Variants in CCSER1 observed in about 807,000 individuals in gnomAD.
CCSER1 encodes coiled-coil serine rich protein 1, also known as serine-rich coiled-coil domain-containing protein 1.
A neutral mutation model predicts 82.0 loss-of-function variants in CCSER1; 41 were observed. The observed-to-expected ratio is 0.50, with a 90% CI of 0.39 to 0.65. The LOEUF is 0.65. Ranked by LOEUF, CCSER1 falls within the 30% of genes least tolerant of loss-of-function variation. CCSER1 has a pLI of 0.00. For synonymous variants in CCSER1, 414 were observed against 383.9 expected (o/e 1.08, Z -0.92); for missense variants, 1,119 against 1,064.2 (o/e 1.05, Z -0.72).
intron 1 of CCSER1, among the ~76,000 whole-genome samples, chr4:90,295,472 G>T (rs1029624663): frequency 2.0e-5 from 3 of 151,650 alleles, no homozygotes; most frequent in Admixed American, 1.3e-4. Context: ...ACTATTCTTT[G>T]CTCCCTTTTA....
At chr4:91,474,920 G>C (rs948294614) in intron 10 of CCSER1, among the ~76,000 whole-genome samples, 1 of 151,340 alleles carries the variant, frequency 6.6e-6, no homozygotes, top group Non-Finnish European at 1.5e-5. Context: ...TTTTATCCTT[G>C]TGTATTTATC....
chr4:91,292,846 G>T (rs533915632), intron 10 of CCSER1, among the ~76,000 whole-genome samples: 1 of 152,038 alleles, frequency 6.6e-6, no homozygotes, highest in African/African-American at 2.4e-5. Context: ...CTCAATGCTT[G>T]AGTATCCACT....
At chr4:90,439,153 C>T (rs760993186) in intron 4 of CCSER1, among the ~76,000 whole-genome samples, 2 of 151,856 alleles carry the variant, frequency 1.3e-5, no homozygotes, top group East Asian at 1.9e-4. Flanking sequence ...ATTAGTCAGT[C>T]GTGGGCACCT....
chr4:90,914,608 T>C (rs1726994524), intron 8 of CCSER1, among the ~76,000 whole-genome samples: 1 of 150,740 alleles, frequency 6.6e-6, no homozygotes, highest in Non-Finnish European at 1.5e-5. Flanking sequence ...AGCAAACACA[T>C]TCAAAGCGAG....
At chr4:90,202,535 A>G (rs1250485801) in intron 1 of CCSER1, among the ~76,000 whole-genome samples, 2 of 152,170 alleles carry the variant, frequency 1.3e-5, no homozygotes, top group East Asian at 1.9e-4. Flanking sequence ...GTTTATTACA[A>G]TCTTCCCAAA....
intron 10 of CCSER1, among the ~76,000 whole-genome samples, chr4:91,181,408 C>A (rs1453394536): frequency 6.6e-6 from 1 of 152,208 alleles, no homozygotes; most frequent in Non-Finnish European, 1.5e-5. Context: ...CCTTCAAGCA[C>A]TCCAGTTCCT....
intron 6 of CCSER1, among the ~76,000 whole-genome samples, chr4:90,687,300 C>T (rs1028662582): frequency 8.5e-5 from 13 of 152,058 alleles, no homozygotes; most frequent in African/African-American, 2.9e-4. Flanking sequence ...ACTTTATCTT[C>T]TTACTCTGCA....
chr4:90,800,411 T>A (rs1015582825), intron 7 of CCSER1, among the ~76,000 whole-genome samples: 4 of 152,144 alleles, frequency 2.6e-5, no homozygotes, highest in Admixed American at 2.6e-4. Context: ...TTTTATTTTT[T>A]ATTTTTTTCA....
At chr4:91,253,634 A>G (rs1740439769) in intron 10 of CCSER1, among the ~76,000 whole-genome samples, 2 of 152,228 alleles carry the variant, frequency 1.3e-5, no homozygotes, top group African/African-American at 4.8e-5. Context: ...ACAATAAGAT[A>G]TAAAAATTTA....
chr4:91,172,137 G>T (rs558688295), intron 10 of CCSER1, among the ~76,000 whole-genome samples: 79 of 152,156 alleles, frequency 5.2e-4, no homozygotes, highest in Admixed American at 7.2e-4. Context: ...GAAAACCTAT[G>T]ACCCTTGCAA....
intron 9 of CCSER1, among the ~76,000 whole-genome samples, chr4:91,032,862 T>C (rs944184235): frequency 6.6e-6 from 1 of 152,152 alleles, no homozygotes; most frequent in African/African-American, 2.4e-5. Context: ...TCTAACTGGT[T>C]TCCAGATGAT....
At chr4:90,350,055 G>A (rs564085560) in intron 3 of CCSER1, among the ~76,000 whole-genome samples, 1 of 152,194 alleles carries the variant, frequency 6.6e-6, no homozygotes, top group South Asian at 2.1e-4. Context: ...TAAAACAAAA[G>A]TATCAGATTC....
intron 7 of CCSER1, among the ~76,000 whole-genome samples, chr4:90,735,155 G>A (rs914507163): frequency 2.6e-5 from 4 of 152,088 alleles, no homozygotes; most frequent in African/African-American, 4.8e-5. Flanking sequence ...AACCAGGCTT[G>A]TATCTGTAGA....
intron 1 of CCSER1, among the ~76,000 whole-genome samples, chr4:90,211,137 G>C (rs1739912021): frequency 6.6e-6 from 1 of 152,112 alleles, no homozygotes; most frequent in Non-Finnish European, 1.5e-5. Flanking sequence ...TGGGGAAAAA[G>C]ATAAAGTCCT....
rs143527082 is a variant in CCSER1 at position 90,720,992 on chromosome 4, G to GT, written c.1933-2916dup. The stretch of plus-strand genomic sequence containing the variant: ...ACAACAGCAATAAAGAAATGAAAGA[G>GT]TTTTTTAATAATTAGGCAAGTAGAA... On this transcript the variant is annotated intron_variant, in intron 6 of 10. Coordinates refer to ENST00000509176, the MANE Select transcript of CCSER1 (RefSeq NM_001145065.2). Among the ~76,000 whole-genome samples, 711 of 151,990 alleles carry GT rather than the reference G, an allele frequency of 4.7e-3. 6 individuals are homozygous for GT. Among genetic ancestry groups the GT allele is most frequent in the African/African-American group, 0.017 (691 of 41,516 alleles).
chr4:91,259,440 T>C (rs1740934929), intron 10 of CCSER1, among the ~76,000 whole-genome samples: 1 of 151,868 alleles, frequency 6.6e-6, no homozygotes, highest in African/African-American at 2.4e-5. Context: ...AACAAGACCT[T>C]GGTAGTCATA....
intron 3 of CCSER1, among the ~76,000 whole-genome samples, chr4:90,344,276 A>G (rs958502043): frequency 2.6e-5 from 4 of 152,080 alleles, no homozygotes; most frequent in African/African-American, 9.7e-5. Flanking sequence ...ACATTCATTT[A>G]TTTTTCTGCC....
chr4:90,170,157 C>G (rs1030975637), intron 1 of CCSER1, among the ~76,000 whole-genome samples: 1 of 151,982 alleles, frequency 6.6e-6, no homozygotes, highest in African/African-American at 2.4e-5. Context: ...TGAAATATAT[C>G]TATTACCAGG....
chr4:90,326,312 G>A (rs980838591), intron 3 of CCSER1, among the ~76,000 whole-genome samples: 1 of 151,872 alleles, frequency 6.6e-6, no homozygotes, highest in East Asian at 1.9e-4. Flanking sequence ...CTCCTGCCTC[G>A]GCCTCCCAGA....
Sources: gnomAD v4.1 joint callset for allele counts (sites outside exome capture counted in the v4.1 genomes callset) on GRCh38, gnomAD v4.1.1 for gene constraint, MANE v1.5 for transcripts, NCBI Gene and HGNC (gene_info 2026-07-23, HGNC 2026-07-21) for gene names.